CTNNA3: variants seen among roughly 807,000 people sequenced by gnomAD.
The protein encoded by CTNNA3 is catenin alpha-3.
A neutral mutation model predicts 95.7 loss-of-function variants in CTNNA3; 76 were observed. The observed-to-expected ratio is 0.79, with a 90% CI of 0.66 to 0.96. The LOEUF (loss-of-function observed/expected upper bound fraction) is 0.96, where lower values mean the gene tolerates loss of function less well. Among genes scored for constraint, CTNNA3 ranks in the 40% least tolerant of loss-of-function variants. CTNNA3 has a pLI of 0.00. For missense variants in CTNNA3, 1,191 were observed against 1,089.8 expected, an observed-to-expected ratio of 1.09 and a Z score of -1.31; for synonymous variants, 431 against 374.4, an observed-to-expected ratio of 1.15 and a Z score of -1.74.
intron 7 of CTNNA3, among the ~76,000 whole-genome samples, chr10:66,982,988 A>G (rs1288274128): frequency 6.6e-6 from 1 of 152,180 alleles, no homozygotes; most frequent in Non-Finnish European, 1.5e-5. Context: ...CGGCTCAGGC[A>G]GCACTAAAGG....
intron 7 of CTNNA3, among the ~76,000 whole-genome samples, chr10:67,126,632 C>T (rs1859734114): frequency 6.6e-6 from 1 of 152,326 alleles, no homozygotes; most frequent in South Asian, 2.1e-4. Flanking sequence ...CATGCCAGCA[C>T]TTTCTTCAAT....
chr10:66,581,834 T>G (rs1321256053), intron 10 of CTNNA3, among the ~76,000 whole-genome samples: 1 of 151,714 alleles, frequency 6.6e-6, no homozygotes, highest in Non-Finnish European at 1.5e-5. Flanking sequence ...TTGTATCTAG[T>G]GAGAGACAGA....
rs1396700659 is a variant in CTNNA3, at chr10:66,590,642, T to G, written c.1374+31050A>C. 3.3e-5 allele frequency among the ~76,000 whole-genome samples: 5 copies of G among 152,250 alleles called. No homozygotes were observed. The East Asian group carries it at 9.7e-4, about 29-fold the overall frequency. Reference sequence around the variant, plus strand: ...TGAGGGTAATTTCATTTATTAAAATTGCTATGGCATTTATATTTTAACATA... The same window carrying G: ...TGAGGGTAATTTCATTTATTAAAATGGCTATGGCATTTATATTTTAACATA... On this transcript the variant is annotated intron_variant, in intron 10 of 17. Coordinates refer to ENST00000433211, the MANE Select transcript of CTNNA3 (RefSeq NM_013266.4).
intron 16 of CTNNA3, among the ~76,000 whole-genome samples, chr10:65,984,329 G>T (rs1029788831): frequency 6.6e-6 from 1 of 151,152 alleles, no homozygotes; most frequent in African/African-American, 2.4e-5. Context: ...AATGTCAGAA[G>T]CACATTCAAA....
rs1010011671 is a variant in CTNNA3 at position 65,915,393 on chromosome 10, C to T, written c.*4937G>A. ...CTAATCTTCATAAAACCAAAAAACT[C>T]TCCCCTCATCTATGAAAGCTAAATG... On this transcript the variant is annotated 3_prime_UTR_variant, in exon 18 of 18. Coordinates refer to ENST00000433211, the MANE Select transcript of CTNNA3 (RefSeq NM_013266.4). The T allele has an allele frequency of 6.6e-6, 1 of 152,070 alleles. No individual in the cohort carries two copies. Among genetic ancestry groups the T allele is most frequent in the Non-Finnish European group, 1.5e-5 (1 of 68,014 alleles). 9.4% of individuals were successfully genotyped at this position (152,070 alleles called of 1,614,324 possible).
chr10:66,353,495 T>C (rs936919085), intron 12 of CTNNA3, among the ~76,000 whole-genome samples: 3 of 152,090 alleles, frequency 2.0e-5, no homozygotes, highest in Admixed American at 6.5e-5. Flanking sequence ...ATTTTTCATA[T>C]CCAGAGAATC....
At chr10:67,181,608 G>A (rs761484610) in intron 6 of CTNNA3, among the ~76,000 whole-genome samples, 1 of 151,972 alleles carries the variant, frequency 6.6e-6, no homozygotes, top group Non-Finnish European at 1.5e-5. Context: ...TTATGTATAA[G>A]ATTATAGATA....
intron 5 of CTNNA3, among the ~76,000 whole-genome samples, chr10:67,347,634 G>T (rs1842477768): frequency 1.3e-5 from 2 of 152,032 alleles, no homozygotes. Context: ...TAGTAAAGTT[G>T]AGTACTCTTA....
chr10:67,233,926 T>C (rs1400918301), intron 5 of CTNNA3, among the ~76,000 whole-genome samples: 2 of 152,156 alleles, frequency 1.3e-5, no homozygotes, highest in Non-Finnish European at 2.9e-5. Context: ...AACGGATAAA[T>C]TCCTCGACAC....
chr10:66,320,848 A>G (rs1475556278), intron 12 of CTNNA3, among the ~76,000 whole-genome samples: 1 of 152,128 alleles, frequency 6.6e-6, no homozygotes, highest in East Asian at 1.9e-4. Context: ...GAAGCTTTTC[A>G]TTTAGACTTT....
chr10:66,883,259 G>A (rs758572511), intron 7 of CTNNA3, among the ~76,000 whole-genome samples: 6 of 152,100 alleles, frequency 3.9e-5, no homozygotes, highest in African/African-American at 7.2e-5. Context: ...AGGACCTTAC[G>A]TGGACTGACA....
chr10:67,580,315 C>A (rs1317675070), intron 3 of CTNNA3, among the ~76,000 whole-genome samples: 2 of 152,112 alleles, frequency 1.3e-5, no homozygotes, highest in Non-Finnish European at 2.9e-5. Context: ...AATAAGGAAT[C>A]CTTTCCTCCT....
intron 7 of CTNNA3, among the ~76,000 whole-genome samples, chr10:66,956,025 A>C (rs1225940072): frequency 6.6e-6 from 1 of 152,190 alleles, no homozygotes; most frequent in Non-Finnish European, 1.5e-5. Flanking sequence ...GGAATTCTGC[A>C]GAAGCTGACA....
At chr10:66,711,664 T>G (rs1008143319) in intron 9 of CTNNA3, among the ~76,000 whole-genome samples, 2 of 152,110 alleles carry the variant, frequency 1.3e-5, no homozygotes, top group Non-Finnish European at 2.9e-5. Flanking sequence ...TTCTCCTGTC[T>G]CAGCCTCCTG....
chr10:66,521,319 GATATCAGGC>G (rs1314549546), intron 10 of CTNNA3, among the ~76,000 whole-genome samples: 1 of 152,026 alleles, frequency 6.6e-6, no homozygotes, highest in African/African-American at 2.4e-5. Context: ...TCTAAGTGAT[GATATCAGGC>G]ATTTAATCAA....
At chr10:66,600,176 A>AC (rs11371983) in intron 10 of CTNNA3, among the ~76,000 whole-genome samples, 99,983 of 151,586 alleles carry the variant, frequency 0.66, 33,981 homozygotes, top group East Asian at 0.91. Context: ...AATTTATTTA[A>AC]TGATTAAAGA....
intron 5 of CTNNA3, among the ~76,000 whole-genome samples, chr10:67,263,837 C>G (rs1332755139): frequency 6.6e-6 from 1 of 152,036 alleles, no homozygotes; most frequent in Non-Finnish European, 1.5e-5. Context: ...AAAAGGACAC[C>G]TACCCCTGGG....
chr10:67,637,766 A>G (rs982484369), intron 2 of CTNNA3, among the ~76,000 whole-genome samples: 2 of 152,156 alleles, frequency 1.3e-5, no homozygotes, highest in Non-Finnish European at 2.9e-5. Flanking sequence ...GCCAAACTAA[A>G]CTTCATAAGT....
chr10:66,863,823 T>G (rs746142206), intron 7 of CTNNA3, among the ~76,000 whole-genome samples: 2 of 152,088 alleles, frequency 1.3e-5, no homozygotes, highest in Non-Finnish European at 2.9e-5. Flanking sequence ...TGATCTGGTG[T>G]GGACATAGAA....
Sources: gnomAD v4.1 joint callset for allele counts (sites outside exome capture counted in the v4.1 genomes callset) on GRCh38, gnomAD v4.1.1 for gene constraint, MANE v1.5 for transcripts, NCBI Gene and HGNC (gene_info 2026-07-23, HGNC 2026-07-21) for gene names.